The following SLC16A7 variants were observed in gnomAD, a reference collection of about 807,000 sequenced individuals.
The protein encoded by SLC16A7 is solute carrier family 16 member 7.
A neutral mutation model predicts 34.9 loss-of-function variants in SLC16A7; 33 were observed. The observed-to-expected ratio is 0.94, with a 90% CI of 0.72 to 1.26. The LOEUF is 1.26. Ranked by LOEUF, SLC16A7 falls within the 50% of genes most tolerant of loss-of-function variation. SLC16A7 has a pLI of 0.00. For synonymous variants in SLC16A7, 201 were observed against 206.6 expected (o/e 0.97, Z 0.23); for missense variants, 573 against 578.1 (o/e 0.99, Z 0.09).
At chr12:59,717,609 C>T (rs1478231359) in intron 3 of SLC16A7, among the ~76,000 whole-genome samples, 2 of 152,122 alleles carry the variant, frequency 1.3e-5, no homozygotes, top group African/African-American at 4.8e-5. Flanking sequence ...ACCTCTGCCC[C>T]TTAGAGTTGG....
chr12:59,695,995 T>C (rs144025716), intron 2 of SLC16A7, among the ~76,000 whole-genome samples: 1 of 152,110 alleles, frequency 6.6e-6, no homozygotes, highest in East Asian at 1.9e-4. Context: ...CTAATACTTA[T>C]ATTTTAATTT....
chr12:59,631,464 T>G (rs1331657416), intron 1 of SLC16A7, among the ~76,000 whole-genome samples: 1 of 151,998 alleles, frequency 6.6e-6, no homozygotes, highest in Non-Finnish European at 1.5e-5. Flanking sequence ...GTTCATGTTG[T>G]CTGTTAGCTA....
intron 1 of SLC16A7, among the ~76,000 whole-genome samples, chr12:59,637,964 T>G (rs1313492952): frequency 1.3e-5 from 2 of 152,120 alleles, no homozygotes; most frequent in African/African-American, 4.8e-5. Context: ...CTTGTCCAGA[T>G]GCCAGCACCA....
intron 1 of SLC16A7, among the ~76,000 whole-genome samples, chr12:59,632,423 G>C (rs1029047428): frequency 6.6e-6 from 1 of 151,906 alleles, no homozygotes; most frequent in African/African-American, 2.4e-5. Context: ...TATGGGGGAG[G>C]TTTAGCCCCA....
At chr12:59,675,335 C>G (rs1870221719) in intron 2 of SLC16A7, among the ~76,000 whole-genome samples, 1 of 152,158 alleles carries the variant, frequency 6.6e-6, no homozygotes, top group African/African-American at 2.4e-5. Flanking sequence ...GCATCTTGTT[C>G]TGATGAAATC....
chr12:59,717,939 A>T (rs1301393590), intron 3 of SLC16A7, among the ~76,000 whole-genome samples: 1 of 152,170 alleles, frequency 6.6e-6, no homozygotes, highest in Non-Finnish European at 1.5e-5. Context: ...CTTTTGAAAG[A>T]TATATTTTCT....
intron 2 of SLC16A7, among the ~76,000 whole-genome samples, chr12:59,675,723 G>A (rs1870254174): frequency 1.3e-5 from 2 of 151,802 alleles, no homozygotes; most frequent in African/African-American, 4.8e-5. Flanking sequence ...ATCTGTGTAG[G>A]GATTATACAT....
At chr12:59,725,282 T>C (rs970698068) in intron 3 of SLC16A7, among the ~76,000 whole-genome samples, 14 of 152,128 alleles carry the variant, frequency 9.2e-5, no homozygotes, top group Non-Finnish European at 1.9e-4. Context: ...TATGAATTCA[T>C]AGATCTTTAC....
In SLC16A7 at chr12:59,596,767, A is replaced by G. The variant is rs890524174; in HGVS notation, c.-130+531A>G. 6.6e-6 allele frequency among the ~76,000 whole-genome samples: 1 copy of G among 152,126 alleles called. No individual in the cohort carries two copies. The highest frequency in any genetic ancestry group is 2.4e-5 in the African/African-American group (1 of 41,438). On this transcript the variant is annotated intron_variant, in intron 1 of 5. Transcript: ENST00000547379. The surrounding 1 kb of genome is among the most constrained non-coding windows in gnomAD (Gnocchi z 5.0). ...GAGAGAACGTCTTCTCTTTGAGCAG[A>G]TGATCAGGACAGGAAGAGGCTGTGA...
At chr12:59,760,848 T>G (rs1351752163) in intron 3 of SLC16A7, among the ~76,000 whole-genome samples, 1 of 152,130 alleles carries the variant, frequency 6.6e-6, no homozygotes, top group Non-Finnish European at 1.5e-5. Context: ...TTTGGACCTT[T>G]GTTGACCACA....
rs1415320748 is a variant in SLC16A7, at chr12:59,789,412, C to T, written c.*9733C>T. The T allele has an allele frequency of 6.6e-6, 1 of 152,124 alleles. No individual in the cohort carries two copies. Among genetic ancestry groups the T allele is most frequent in the African/African-American group, 2.4e-5 (1 of 41,434 alleles). The allele number at this position is 152,124 out of a possible 1,614,324, so 9.4% of individuals were successfully genotyped here. A position where few individuals can be genotyped will look rare whatever the true frequency, so the allele number is the denominator to read the frequency against. On this transcript the variant is annotated 3_prime_UTR_variant, in exon 6 of 6. Transcript: ENST00000547379. ...ATGCAAATATTGAAATATGCAACAG[C>T]TAAACTTTATGGTACATATTAATTA... is the stretch of plus-strand genomic sequence containing the variant.
intron 4 of SLC16A7, among the ~76,000 whole-genome samples, chr12:59,773,938 T>C (rs1344144964): frequency 1.3e-5 from 2 of 152,204 alleles, no homozygotes; most frequent in Non-Finnish European, 1.5e-5. Flanking sequence ...CAAGAGGTAA[T>C]TTATTTTCCA....
chr12:59,609,642 C>T (rs1014364039), intron 1 of SLC16A7, among the ~76,000 whole-genome samples: 10 of 152,138 alleles, frequency 6.6e-5, no homozygotes, highest in Admixed American at 1.3e-4. Context: ...AATTTTGTAA[C>T]ATTTCCATCC....
chr12:59,777,880 C>T (rs1210301900), intron 5 of SLC16A7, among the ~76,000 whole-genome samples: 1 of 147,558 alleles, frequency 6.8e-6, no homozygotes, highest in Non-Finnish European at 1.5e-5. Flanking sequence ...TCAATTCCCA[C>T]CTATGAGTGA....
rs559195192 is a variant in SLC16A7 at position 59,693,082 on chromosome 12, A to C, written c.-30-11690A>C. Among the ~76,000 whole-genome samples the C allele has an allele frequency of 2.0e-5, 3 of 152,120 alleles. No homozygotes were observed. In the South Asian group the frequency reaches 6.2e-4, roughly 31 times the overall value. On this transcript the variant is annotated intron_variant, in intron 2 of 5. Coordinates refer to ENST00000547379, the MANE Select transcript of SLC16A7 (RefSeq NM_001270623.2). ...CAAATTAATTCATTTAGGTGAAAAC[A>C]TAATATAATATAACTTATAAACACT...
intron 1 of SLC16A7, among the ~76,000 whole-genome samples, chr12:59,612,152 G>T (rs571618761): frequency 6.6e-6 from 1 of 152,336 alleles, no homozygotes; most frequent in African/African-American, 2.4e-5. Context: ...CTCCATGAGG[G>T]CCTTGCCCCT....
chr12:59,713,726 A>G (rs1409103011), intron 3 of SLC16A7, among the ~76,000 whole-genome samples: 1 of 152,222 alleles, frequency 6.6e-6, no homozygotes, highest in Non-Finnish European at 1.5e-5. Flanking sequence ...AGCCTTGCAC[A>G]ATCATTGCCT....
intron 3 of SLC16A7, chr12:59,768,156 C>T: frequency 2.3e-6 from 1 of 443,412 alleles, no homozygotes; most frequent in Non-Finnish European, 4.5e-6. Context: ...TCTGATGAAT[C>T]TGGGAAAAGG....
chr12:59,770,492 A>T (rs1045795090), intron 3 of SLC16A7, among the ~76,000 whole-genome samples: 3 of 152,200 alleles, frequency 2.0e-5, no homozygotes, highest in Non-Finnish European at 2.9e-5. Context: ...TTATATTTAT[A>T]TTCATTTTTC....
Sources: allele counts gnomAD v4.1 joint callset (sites outside exome capture counted in the v4.1 genomes callset), GRCh38; gene constraint gnomAD v4.1.1; non-coding constraint Gnocchi (gnomAD v3.1); transcripts MANE v1.5; gene names NCBI Gene and HGNC (gene_info 2026-07-23, HGNC 2026-07-21).